The following ENOX1 variants were observed in gnomAD, a reference collection of about 807,000 sequenced individuals.
ENOX1 encodes candidate growth-related and time keeping constitutive hydroquinone (NADH) oxidase.
A neutral mutation model predicts 82.5 loss-of-function variants in ENOX1; 42 were observed. The observed-to-expected ratio is 0.51, with a 90% CI of 0.40 to 0.66. The LOEUF (loss-of-function observed/expected upper bound fraction) is 0.66, where lower values mean the gene tolerates loss of function less well. ENOX1 is among the 30% of genes least tolerant of loss of function. ENOX1 has a pLI of 0.00. For missense variants in ENOX1, 608 were observed against 811.6 expected (o/e 0.75, Z 3.05); for synonymous variants, 271 against 282.2 (o/e 0.96, Z 0.40).
rs779197909 is a variant in ENOX1, at chr13:43,633,694, G to GTGTGTT, written c.-219+33784_-219+33785insAACACA. Among the ~76,000 whole-genome samples, 793 of 148,812 alleles carry GTGTGTT rather than the reference G, an allele frequency of 5.3e-3. 1 individual carries two copies. The highest frequency in any genetic ancestry group is 8.5e-3 in the Non-Finnish European group (567 of 66,782). ...TACATTTTAAAATGTGTGTATGTGT[G>GTGTGTT]TGTGTGTGTGTGTGTGTGTGGATAG... On this transcript the variant is annotated intron_variant, in intron 2 of 16. Transcript: ENST00000690772.
At chr13:43,712,279 A>G (rs1193623575) in intron 1 of ENOX1, among the ~76,000 whole-genome samples, 5 of 146,644 alleles carry the variant, frequency 3.4e-5, no homozygotes, top group East Asian at 4.1e-4. Context: ...CCATTGATCT[A>G]TATCTCTGTT....
chr13:43,272,531 G>C (rs2044746892), intron 12 of ENOX1, among the ~76,000 whole-genome samples: 1 of 152,146 alleles, frequency 6.6e-6, no homozygotes, highest in Admixed American at 6.5e-5. Flanking sequence ...AGAACACCAA[G>C]ATTCTTCATC....
intron 9 of ENOX1, among the ~76,000 whole-genome samples, chr13:43,342,522 T>C (rs2049127315): frequency 6.6e-6 from 1 of 152,178 alleles, no homozygotes; most frequent in Non-Finnish European, 1.5e-5. Context: ...CTCCTGTGGT[T>C]TCCAGGAGAC....
chr13:43,703,842 T>C (rs1369871010), intron 1 of ENOX1, among the ~76,000 whole-genome samples: 3 of 151,998 alleles, frequency 2.0e-5, no homozygotes, highest in African/African-American at 7.2e-5. Flanking sequence ...AAAAATGACA[T>C]ATATGTACAT....
In ENOX1 at chr13:43,470,273, C is replaced by CAT. The variant is rs1389770595; in HGVS notation, c.-75+13734_-75+13735dup. On this transcript the variant is annotated intron_variant, in intron 3 of 16. Transcript: ENST00000690772. ...ACATATATATATACATATATATACA[C>CAT]ATATATATACATATATATATACACA... 8.9e-5 allele frequency among the ~76,000 whole-genome samples: 4 copies of CAT among 44,986 alleles called. 1 individual carries two copies. Among genetic ancestry groups the CAT allele is most frequent in the Admixed American group, 1.8e-4 (1 of 5,584 alleles). 29.5% of individuals were successfully genotyped at this position (44,986 alleles called of 152,430 possible).
chr13:43,497,481 C>T (rs963546975), intron 2 of ENOX1, among the ~76,000 whole-genome samples: 4 of 152,094 alleles, frequency 2.6e-5, no homozygotes, highest in African/African-American at 9.7e-5. Flanking sequence ...TTATTAAATG[C>T]TGTCTCTCTA....
chr13:43,430,862 C>T (rs757649594), intron 3 of ENOX1, among the ~76,000 whole-genome samples: 4 of 152,160 alleles, frequency 2.6e-5, no homozygotes, highest in Admixed American at 2.6e-4. Context: ...CACATGGATG[C>T]CAAGGCAACT....
At chr13:43,785,853 G>A (rs930105797) in intron 1 of ENOX1, among the ~76,000 whole-genome samples, 1 of 152,182 alleles carries the variant, frequency 6.6e-6, no homozygotes, top group Admixed American at 6.5e-5. Context: ...GCCGTGCAGG[G>A]GGAGGACGTG....
chr13:43,507,874 A>G (rs2077227254), intron 2 of ENOX1, among the ~76,000 whole-genome samples: 1 of 152,072 alleles, frequency 6.6e-6, no homozygotes, highest in Non-Finnish European at 1.5e-5. Context: ...AAAAACAAAT[A>G]CAATCATAGT....
At chr13:43,350,085 C>T (rs888234264) in intron 8 of ENOX1, among the ~76,000 whole-genome samples, 5 of 152,150 alleles carry the variant, frequency 3.3e-5, no homozygotes, top group African/African-American at 9.7e-5. Flanking sequence ...AGGAGTAGAA[C>T]ATAAATTGTG....
At chr13:43,299,889 C>T (rs1323099704) in intron 11 of ENOX1, among the ~76,000 whole-genome samples, 1 of 152,182 alleles carries the variant, frequency 6.6e-6, no homozygotes, top group African/African-American at 2.4e-5. Flanking sequence ...TGTCAGAGGA[C>T]CAAATCAAGG....
intron 1 of ENOX1, among the ~76,000 whole-genome samples, chr13:43,778,108 G>C (rs1264280139): frequency 1.3e-5 from 2 of 152,194 alleles, no homozygotes; most frequent in Non-Finnish European, 2.9e-5. Flanking sequence ...ATATGGGGAT[G>C]ATGTTGGGTT....
intron 2 of ENOX1, among the ~76,000 whole-genome samples, chr13:43,639,777 C>A (rs1369740676): frequency 6.6e-6 from 1 of 152,104 alleles, no homozygotes; most frequent in Non-Finnish European, 1.5e-5. Flanking sequence ...TGCCTGTAAT[C>A]CAGCAGTTTG....
At chr13:43,415,359 A>G (rs1201186970) in intron 3 of ENOX1, among the ~76,000 whole-genome samples, 3 of 151,350 alleles carry the variant, frequency 2.0e-5, no homozygotes, top group Admixed American at 6.6e-5. Flanking sequence ...CACATGAACA[A>G]AGGTCTCTGG....
intron 2 of ENOX1, among the ~76,000 whole-genome samples, chr13:43,626,677 T>C (rs2082978186): frequency 6.6e-6 from 1 of 151,934 alleles, no homozygotes; most frequent in East Asian, 1.9e-4. Flanking sequence ...TTCAATGGCC[T>C]TATATTAAGG....
In ENOX1 at chr13:43,213,819, C is replaced by T; in HGVS notation, c.*171G>A. 1 of 567,356 alleles carries T rather than the reference C, an allele frequency of 1.8e-6. No homozygotes were observed. The highest frequency in any genetic ancestry group is 3.5e-5 in the South Asian group (1 of 28,548). The allele number at this position is 567,356 out of a possible 1,614,324, so 35.1% of individuals were successfully genotyped here. ...CTTTGTTTATTTTAAGAAACTGGTA[C>T]ACAATTACATTTCCACTTACAAGAG... is the stretch of plus-strand genomic sequence containing the variant. On this transcript the variant is annotated 3_prime_UTR_variant, in exon 17 of 17. Coordinates refer to ENST00000690772, the MANE Select transcript of ENOX1 (RefSeq NM_001347969.2).
chr13:43,481,416 A>G (rs753095928), intron 3 of ENOX1, among the ~76,000 whole-genome samples: 1 of 152,152 alleles, frequency 6.6e-6, no homozygotes, highest in Non-Finnish European at 1.5e-5. Flanking sequence ...AAAGTGTAAG[A>G]ACTTATTCTT....
At chr13:43,417,244 G>GATAGGGAGAGGGAGAGA (rs1555267033) in intron 3 of ENOX1, among the ~76,000 whole-genome samples, 1 of 107,070 alleles carries the variant, frequency 9.3e-6, no homozygotes, top group African/African-American at 4.4e-5. Context: ...ACGGGAGACG[G>GATAGGGAGAGGGAGAGA]GAGAGGGAGA....
At chr13:43,443,770 T>C (rs1019591829) in intron 3 of ENOX1, among the ~76,000 whole-genome samples, 3 of 152,042 alleles carry the variant, frequency 2.0e-5, no homozygotes, top group Non-Finnish European at 2.9e-5. Flanking sequence ...TTTGAGCTGG[T>C]TGTAAAGGAA....
Sources: allele counts gnomAD v4.1 joint callset (sites outside exome capture counted in the v4.1 genomes callset), GRCh38; gene constraint gnomAD v4.1.1; transcripts MANE v1.5; gene names NCBI Gene and HGNC (gene_info 2026-07-23, HGNC 2026-07-21).